NPHP3: variants seen among roughly 807,000 people sequenced by gnomAD.
NPHP3 encodes nephrocystin 3, also known as nephrocystin-3.
Under a neutral mutation model 171.9 loss-of-function variants are expected in NPHP3, and 123 were observed. That is an observed-to-expected ratio of 0.72 (90% CI 0.62 to 0.83). NPHP3 has a LOEUF of 0.83. Ranked by LOEUF, NPHP3 falls within the 40% of genes least tolerant of loss-of-function variation. The probability of loss-of-function intolerance (pLI) is 0.00; values close to 1 mark genes in which losing one functional copy is unlikely to be tolerated. For synonymous variants in NPHP3, 558 were observed against 579.2 expected (o/e 0.96, Z 0.52); for missense variants, 1,506 against 1,591.9 (o/e 0.95, Z 0.92).
In NPHP3 at chr3:132,702,416, A is replaced by G. The variant is rs750787757; in HGVS notation, c.1525-883T>C. Among the ~76,000 whole-genome samples, 50 of 152,212 alleles carry G rather than the reference A, an allele frequency of 3.3e-4. 1 individual carries two copies. Among genetic ancestry groups the G allele is most frequent in the Admixed American group, 3.1e-3 (47 of 15,286 alleles). ...TTTTGAAACTAAGTGAGTTCAGTGT[A>G]AAGTCCAAGAATTCCTATTTCCCAA... is the stretch of plus-strand genomic sequence containing the variant. On this transcript the variant is annotated intron_variant, in intron 9 of 26. Coordinates refer to ENST00000337331, the MANE Select transcript of NPHP3 (RefSeq NM_153240.5).
chr3:132,721,046 T>G (rs1940199629), intron 1 of NPHP3, among the ~76,000 whole-genome samples: 2 of 152,080 alleles, frequency 1.3e-5, no homozygotes, highest in Admixed American at 6.5e-5. Context: ...GCCTCCTGAG[T>G]AGCTGGGATT....
intron 6 of NPHP3, 67 bp from the exon 7 acceptor site, chr3:132,708,324 C>T: frequency 8.1e-6 from 12 of 1,482,030 alleles, no homozygotes; most frequent in Non-Finnish European, 1.1e-5. Flanking sequence ...GTTAATCAAC[C>T]TAAGTGCCAA....
intron 5 of NPHP3, 98 bp from the exon 6 acceptor site, chr3:132,713,384 T>A: frequency 1.6e-6 from 1 of 629,256 alleles, no homozygotes; most frequent in South Asian, 3.0e-5. Context: ...TTAAAACAGG[T>A]TATACTGGAT....
chr3:132,701,625 AG>A, intron 9 of NPHP3, 92 bp from the exon 10 acceptor site: 1 of 841,966 alleles, frequency 1.2e-6, no homozygotes, highest in Non-Finnish European at 2.0e-6. Context: ...AAAATACTGG[AG>A]AAAAGCTGTG....
At chr3:132,687,272 A>G in intron 21 of NPHP3, 46 bp from the exon 22 acceptor site, 2 of 841,966 alleles carry the variant, frequency 2.4e-6, no homozygotes, top group Non-Finnish European at 4.0e-6. Context: ...ACATATTCAA[A>G]GTATACTTCA....
chr3:132,708,196 T>C lies in NPHP3; in HGVS notation c.1180A>G (p.Ile394Val). ...LKNPEGKPRL[I>V]FHRLEDGKVS... is the part of the protein sequence containing the mutation. ...TTTCCATCTTCCAAACGATGAAAGA[T>C]TAATCGAGGTTTTCCTTCAGGGTTT... Residue 394 changes from isoleucine to valine, a missense_variant, in exon 7 of 27, where the codon ATC (isoleucine) becomes GTC (valine). This residue lies in a region of NPHP3 where 930 missense variants were observed against 924.9 expected (regional missense o/e 1.01). Transcript: ENST00000337331. The C allele has an allele frequency of 1.2e-6, 2 of 1,614,048 alleles. No individual in the cohort carries two copies. Among genetic ancestry groups the C allele is most frequent in the Admixed American group, 1.7e-5 (1 of 60,024 alleles).
At position 132,681,711 on chromosome 3, in the gene NPHP3, A is replaced by G; in HGVS notation, c.*199T>C. On this transcript the variant is annotated 3_prime_UTR_variant, in exon 27 of 27. Coordinates refer to ENST00000337331, the MANE Select transcript of NPHP3 (RefSeq NM_153240.5). ...ACATCCTTGGATACCATATAATAGG[A>G]AAATTCTTTTAAACAACTAAAACAG... is the stretch of plus-strand genomic sequence containing the variant. The G allele has an allele frequency of 1.7e-6, 1 of 596,308 alleles. No homozygotes were observed. Among genetic ancestry groups the G allele is most frequent in the Non-Finnish European group, 3.0e-6 (1 of 335,540 alleles). The allele number at this position is 596,308 out of a possible 1,614,324, so 36.9% of individuals were successfully genotyped here.
chr3:132,681,652 G>T lies in NPHP3; in HGVS notation c.*258C>A. 2.3e-6 allele frequency: 1 copy of T among 441,290 alleles called. No homozygotes were observed. The highest frequency in any genetic ancestry group is 4.2e-6 in the Non-Finnish European group (1 of 239,524). 27.3% of individuals were successfully genotyped at this position (441,290 alleles called of 1,614,324 possible). ...AAGACCAATCCGCTCTTCATGATTT[G>T]CTCCTCATGTCTTCTTATAATTCTA... On this transcript the variant is annotated 3_prime_UTR_variant, in exon 27 of 27. Transcript: ENST00000337331.
Position 132,722,193 on chromosome 3 carries a change from C to A in NPHP3, c.163G>T (p.Ala55Ser). ...CCGCGGGGCAGCGACCCGGGCCCGG[C>A]CCCTGCTGCCGCCCCCGCGCCTCGG... The part of the protein sequence containing the change: ...FRRGAGAAAG[A>S]GPGSLPRGVG... Residue 55 changes from alanine to serine, a missense_variant, in exon 1 of 27, where the codon GCC becomes TCC. Around this residue, in one of 3 missense-constraint regions of NPHP3, gnomAD observed 930 missense variants for 924.9 expected, o/e 1.01. Transcript: ENST00000337331. 1.3e-6 allele frequency: 2 copies of A among 1,510,112 alleles called. No individual in the cohort carries two copies. Among genetic ancestry groups the A allele is most frequent in the Non-Finnish European group, 1.8e-6 (2 of 1,137,730 alleles). The allele number at this position is 1,510,112 out of a possible 1,614,324, so 93.5% of individuals were successfully genotyped here.
chr3:132,708,892 T>A (rs1329277269), intron 6 of NPHP3, among the ~76,000 whole-genome samples: 2 of 152,236 alleles, frequency 1.3e-5, no homozygotes, highest in Non-Finnish European at 1.5e-5. Flanking sequence ...TTGCTCTTGA[T>A]TGGCCCTCCT....
At chr3:132,714,553 G>GA (rs1939995499) in intron 5 of NPHP3, among the ~76,000 whole-genome samples, 2 of 135,028 alleles carry the variant, frequency 1.5e-5, no homozygotes, top group African/African-American at 2.9e-5. Flanking sequence ...CACTTTCTCT[G>GA]CAAAAAAAAA....
rs1560002093 is a variant in NPHP3, at chr3:132,688,742, CG to C, written c.3032del (p.Ala1011GlyfsTer51). 2 of 1,614,110 alleles carry C rather than the reference CG, an allele frequency of 1.2e-6. No homozygotes were observed. Among genetic ancestry groups the C allele is most frequent in the Non-Finnish European group, 1.7e-6 (2 of 1,179,998 alleles). The stretch of plus-strand genomic sequence containing the variant: ...CATAAGCATTTTCTGAGATTTCCAA[CG>C]CCTGTTTATACAGTTGTTCTGCATT... ...FGNAEQLYKQ[A>X]LEISENAYGA... On this transcript the variant is annotated frameshift_variant, in exon 21 of 27. Transcript: ENST00000337331. LOFTEE classifies it high-confidence loss of function.
At chr3:132,721,923 C>A (rs1214798979) in intron 1 of NPHP3, 40 bp downstream of exon 1, 1 of 1,606,220 alleles carries the variant, frequency 6.2e-7, no homozygotes, top group Non-Finnish European at 8.5e-7. Context: ...GGCCGTGCTT[C>A]CCAAGGGTCT....
intron 1 of NPHP3, among the ~76,000 whole-genome samples, chr3:132,720,881 T>C (rs1315897909): frequency 6.6e-6 from 1 of 151,866 alleles, no homozygotes; most frequent in Non-Finnish European, 1.5e-5. Flanking sequence ...CAAAAAGTTT[T>C]AGAGATTCGT....
chr3:132,688,114 T>C (rs1939207369), intron 21 of NPHP3, among the ~76,000 whole-genome samples: 1 of 152,224 alleles, frequency 6.6e-6, no homozygotes, highest in African/African-American at 2.4e-5. Context: ...GCTGTCATGA[T>C]GCCACAAGTG....
At chr3:132,704,638 G>T (rs1425765098) in intron 8 of NPHP3, among the ~76,000 whole-genome samples, 1 of 152,138 alleles carries the variant, frequency 6.6e-6, no homozygotes, top group African/African-American at 2.4e-5. Context: ...CATGGAATTT[G>T]TTTTCTGAAA....
At chr3:132,714,963 G>T in intron 5 of NPHP3, 122 bp downstream of exon 5, 1 of 777,896 alleles carries the variant, frequency 1.3e-6, no homozygotes, top group Non-Finnish European at 2.1e-6. Context: ...GACGCTTCCT[G>T]TTCTTTAAGA....
At chr3:132,692,416 C>T (rs1939323300) in intron 17 of NPHP3, among the ~76,000 whole-genome samples, 1 of 152,104 alleles carries the variant, frequency 6.6e-6, no homozygotes, top group Non-Finnish European at 1.5e-5. Flanking sequence ...TTGTGTCTGA[C>T]TTATTTTTTA....
In NPHP3 at chr3:132,681,900, AC is replaced by A. The variant is rs745863319; in HGVS notation, c.*9del. ...TAAGGTACATTTGCAAAGAATTCTAACTGCTGCTATTACCTTTGTCCTTGCT... is the reference window on the plus strand; with the variant it reads ...TAAGGTACATTTGCAAAGAATTCTAATGCTGCTATTACCTTTGTCCTTGCT... On this transcript the variant is annotated 3_prime_UTR_variant, in exon 27 of 27. Coordinates refer to ENST00000337331, the MANE Select transcript of NPHP3 (RefSeq NM_153240.5). 6.2e-7 allele frequency: 1 copy of A among 1,610,532 alleles called. No individual in the cohort carries two copies. The highest frequency in any genetic ancestry group is 8.5e-7 in the Non-Finnish European group (1 of 1,176,764).
Sources: allele counts gnomAD v4.1 joint callset (sites outside exome capture counted in the v4.1 genomes callset), GRCh38; gene constraint gnomAD v4.1.1; regional missense constraint gnomAD v4.1.1; transcripts MANE v1.5; gene names NCBI Gene and HGNC (gene_info 2026-07-23, HGNC 2026-07-21).